CD244: variants seen among roughly 807,000 people sequenced by gnomAD.
The protein encoded by CD244 is natural killer cell receptor 2B4.
Under a neutral mutation model 45.5 loss-of-function variants are expected in CD244, and 20 were observed. The observed-to-expected ratio is 0.44, with a 90% CI of 0.31 to 0.64. The LOEUF (loss-of-function observed/expected upper bound fraction) is 0.64. Among genes scored for constraint, CD244 ranks in the 30% least tolerant of loss-of-function variants. The pLI is 0.08. For missense variants in CD244, 407 were observed against 426.9 expected (o/e 0.95, Z 0.41); for synonymous variants, 185 against 160.5 (o/e 1.15, Z -1.15).
chr1:160,832,875 T>C (rs1669179747), intron 7 of CD244, among the ~76,000 whole-genome samples: 1 of 149,044 alleles, frequency 6.7e-6, no homozygotes, highest in East Asian at 1.9e-4. Flanking sequence ...TGTGTGTATA[T>C]ATATATATAT....
intron 1 of CD244, among the ~76,000 whole-genome samples, chr1:160,854,034 A>G (rs1225307297): frequency 6.6e-6 from 1 of 152,132 alleles, no homozygotes; most frequent in Admixed American, 6.6e-5. Flanking sequence ...GGTATTATGG[A>G]CCCAGCAGTA....
intron 7 of CD244, 83 bp downstream of exon 7, chr1:160,833,968 G>T: frequency 2.1e-6 from 2 of 955,066 alleles, no homozygotes; most frequent in Non-Finnish European, 3.4e-6. Flanking sequence ...GCCAGGATGT[G>T]CACACACACT....
chr1:160,862,541 G>T, intron 1 of CD244, 76 bp downstream of exon 1: 2 of 1,320,212 alleles, frequency 1.5e-6, no homozygotes, highest in South Asian at 1.2e-5. Context: ...CACAAGCAGA[G>T]GCTCTGGCTC....
At chr1:160,847,858 T>C (rs943087438) in intron 1 of CD244, among the ~76,000 whole-genome samples, 1 of 152,116 alleles carries the variant, frequency 6.6e-6, no homozygotes, top group Non-Finnish European at 1.5e-5. Flanking sequence ...AGAAAGTAAA[T>C]GTAAGAGCTA....
At position 160,857,835 on chromosome 1, in the gene CD244, C is replaced by T. The variant is rs978055136; in HGVS notation, c.61+4782G>A. 2.0e-5 allele frequency among the ~76,000 whole-genome samples: 3 copies of T among 152,038 alleles called. No homozygotes were observed. In the South Asian group the frequency reaches 6.2e-4, roughly 32 times the overall value. On this transcript the variant is annotated intron_variant, in intron 1 of 8. Coordinates refer to ENST00000368034, the MANE Select transcript of CD244 (RefSeq NM_016382.4). ...GCCAAGGCAAGAGGATTGCTTGAGC[C>T]CAGGAGGTCAAGACCAGCCCAGGCA...
At chr1:160,854,529 C>T (rs1441934613) in intron 1 of CD244, among the ~76,000 whole-genome samples, 1 of 151,278 alleles carries the variant, frequency 6.6e-6, no homozygotes, top group African/African-American at 2.4e-5. Flanking sequence ...ACTACAGGTG[C>T]CTGCCACCAC....
intron 1 of CD244, among the ~76,000 whole-genome samples, chr1:160,842,762 C>T (rs1044186781): frequency 1.3e-5 from 2 of 152,190 alleles, no homozygotes; most frequent in Admixed American, 1.3e-4. Flanking sequence ...TAAAACTACA[C>T]TTCCCAGGCA....
At chr1:160,843,049 C>A (rs1669603032) in intron 1 of CD244, among the ~76,000 whole-genome samples, 1 of 152,120 alleles carries the variant, frequency 6.6e-6, no homozygotes. Flanking sequence ...AAGAAGAGAG[C>A]AATTGAGACA....
intron 1 of CD244, among the ~76,000 whole-genome samples, chr1:160,845,849 T>G (rs1669712992): frequency 6.9e-6 from 1 of 145,340 alleles, no homozygotes; most frequent in Non-Finnish European, 1.5e-5. Context: ...AGAGTGAAAC[T>G]CTGTCTCAAA....
chr1:160,842,013 G>A (rs1393757138), intron 1 of CD244, 112 bp from the exon 2 acceptor site: 1 of 770,490 alleles, frequency 1.3e-6, no homozygotes, highest in Non-Finnish European at 2.1e-6. Flanking sequence ...AGTATGAGGA[G>A]CCCAGAACCT....
At chr1:160,861,994 G>A (rs2101900535) in intron 1 of CD244, among the ~76,000 whole-genome samples, 1 of 152,326 alleles carries the variant, frequency 6.6e-6, no homozygotes, top group South Asian at 2.1e-4. Flanking sequence ...ATGTTAGATG[G>A]CTCCATGCCT....
intron 1 of CD244, among the ~76,000 whole-genome samples, chr1:160,859,674 A>G (rs1353147828): frequency 2.0e-5 from 3 of 151,418 alleles, no homozygotes; most frequent in Non-Finnish European, 2.9e-5. Flanking sequence ...TGGGAGACTG[A>G]GGCAGGTGGA....
chr1:160,833,912 G>A (rs954642445), intron 7 of CD244, 139 bp downstream of exon 7: 2 of 624,404 alleles, frequency 3.2e-6, no homozygotes, highest in Admixed American at 2.7e-5. Flanking sequence ...TTTAAATACA[G>A]TCATTTAACA....
chr1:160,843,302 T>C (rs996159630), intron 1 of CD244, among the ~76,000 whole-genome samples: 1 of 152,232 alleles, frequency 6.6e-6, no homozygotes, highest in East Asian at 1.9e-4. Flanking sequence ...AAGCAGAGAC[T>C]GTGCTGTGCA....
Position 160,841,426 on chromosome 1 carries a change from G to A in CD244, c.439C>T (p.Gln147Ter). The A allele has an allele frequency of 1.2e-6, 2 of 1,614,112 alleles. No homozygotes were observed. Among genetic ancestry groups the A allele is most frequent in the Non-Finnish European group, 1.7e-6 (2 of 1,180,006 alleles). The change falls in exon 3 of 9, where the codon CAA (glutamine) becomes TAA (stop). Residue 147 changes from glutamine (Q) to a stop codon, truncating the protein, a stop_gained. Coordinates refer to ENST00000368034, the MANE Select transcript of CD244 (RefSeq NM_016382.4). LOFTEE classifies it high-confidence loss of function. ...QGKILDRGRCQVALSCLVSRD... is the reference protein window; with the variant it reads ...QGKILDRGRC Reference sequence around the variant, plus strand: ...GAGACCAAGCAAGACAGAGCCACTTGGCATCTCCCTCTGTCCAGGATCTTC... The same window carrying A: ...GAGACCAAGCAAGACAGAGCCACTTAGCATCTCCCTCTGTCCAGGATCTTC...
At position 160,836,729 on chromosome 1, in the gene CD244, A is replaced by G. The variant is rs915403440; in HGVS notation, c.835-475T>C. ...GCTATAGTGCTGGGTGCAGCCCTGA[A>G]CCCAAGGGCCAAAGCAGGAAGCAGA... On this transcript the variant is annotated intron_variant, in intron 5 of 8. Coordinates refer to ENST00000368034, the MANE Select transcript of CD244 (RefSeq NM_016382.4). Among the ~76,000 whole-genome samples the G allele has an allele frequency of 4.6e-5, 7 of 152,084 alleles. No individual in the cohort carries two copies. The South Asian group carries it at 1.2e-3, about 27-fold the overall frequency.
In CD244 at chr1:160,834,031, C is replaced by T. The variant is rs777873244; in HGVS notation, c.960+20G>A. 1.3e-6 allele frequency: 2 copies of T among 1,581,916 alleles called. No homozygotes were observed. Among genetic ancestry groups the T allele is most frequent in the East Asian group, 4.5e-5 (2 of 44,722 alleles). Reference sequence around the variant, plus strand: ...ATCTACATCAACAACACCCCACCACCACCACGGGAAGAGGCTCACCTTCCT... The same window carrying T: ...ATCTACATCAACAACACCCCACCACTACCACGGGAAGAGGCTCACCTTCCT... On this transcript the variant is annotated intron_variant, in intron 7 of 8. Transcript: ENST00000368034.
chr1:160,832,950 CACACAT>C (rs11272376), intron 7 of CD244, among the ~76,000 whole-genome samples: 4,276 of 148,862 alleles, frequency 0.029, 126 homozygotes, highest in African/African-American at 0.076. Context: ...CCAGAGCACA[CACACAT>C]ACACATACAC....
At chr1:160,832,950 CACACATACACAT>C (rs11272376) in intron 7 of CD244, among the ~76,000 whole-genome samples, 86,595 of 148,582 alleles carry the variant, frequency 0.58, 25,388 homozygotes, top group Middle Eastern at 0.66. Flanking sequence ...CCAGAGCACA[CACACATACACAT>C]ACACATACAC....
Sources: allele counts gnomAD v4.1 joint callset (sites outside exome capture counted in the v4.1 genomes callset), GRCh38; gene constraint gnomAD v4.1.1; transcripts MANE v1.5; gene names NCBI Gene and HGNC (gene_info 2026-07-23, HGNC 2026-07-21).